The following FBXL19 variants were observed in gnomAD, a reference collection of about 807,000 sequenced individuals.
FBXL19 encodes the protein F-box and leucine rich repeat protein 19.
In FBXL19, 16 loss-of-function variants were observed where a neutral mutation model predicts 71.2. The ratio of observed to expected loss-of-function variants is 0.22; its 90% confidence interval spans 0.15 to 0.34. The LOEUF is 0.34. Among genes scored for constraint, FBXL19 ranks in the 10% least tolerant of loss-of-function variants. The pLI is 1.00. For missense variants in FBXL19, 658 were observed against 968.2 expected, an observed-to-expected ratio of 0.68 and a Z score of 4.25; for synonymous variants, 447 against 409.4, an observed-to-expected ratio of 1.09 and a Z score of -1.11.
chr16:30,947,237 G>A lies in FBXL19; in HGVS notation c.*7G>A, dbSNP rs1265749837. ...GCTTCTCAAGGACAGCTAGTTGGGC[G>A]CCCCCCACCCTCCCCCGGACTCGAC... On this transcript the variant is annotated 3_prime_UTR_variant, in exon 11 of 11. Transcript: ENST00000338343. 1.2e-5 allele frequency: 19 copies of A among 1,568,364 alleles called. No homozygotes were observed. Among genetic ancestry groups the A allele is most frequent in the Non-Finnish European group, 1.5e-5 (17 of 1,161,506 alleles).
chr16:30,941,000 T>C (rs916444110), intron 7 of FBXL19, among the ~76,000 whole-genome samples: 2 of 152,124 alleles, frequency 1.3e-5, no homozygotes, highest in East Asian at 1.9e-4. Flanking sequence ...TTGAGGCCTG[T>C]GGAGTGCTCG....
intron 2 of FBXL19, among the ~76,000 whole-genome samples, chr16:30,926,265 T>C (rs1299663314): frequency 6.6e-6 from 1 of 152,142 alleles, no homozygotes; most frequent in Non-Finnish European, 1.5e-5. Context: ...ATGGCCCCCT[T>C]CCAACAGGTC....
Position 30,942,041 on chromosome 16 carries a change from A to T in FBXL19, c.1302-75A>T. On this transcript the variant is annotated intron_variant, in intron 7 of 10. Transcript: ENST00000338343. The surrounding 1 kb of genome is among the most constrained non-coding windows in gnomAD (Gnocchi z 5.7). ...GAAGAGAGCTGGGGTGCACCCTTGG[A>T]GCTGGGGAGCCTGGGAACTGTGGGC... 2 of 1,433,908 alleles carry T rather than the reference A, an allele frequency of 1.4e-6. No individual in the cohort carries two copies. Among genetic ancestry groups the T allele is most frequent in the Non-Finnish European group, 1.8e-6 (2 of 1,086,140 alleles). 88.8% of individuals were successfully genotyped at this position (1,433,908 alleles called of 1,614,324 possible).
At chr16:30,928,042 T>A (rs1055920196) in intron 5 of FBXL19, 79 bp downstream of exon 5, 5 of 1,025,292 alleles carry the variant, frequency 4.9e-6, no homozygotes, top group Non-Finnish European at 7.0e-6. Context: ...TGTGGGGCTG[T>A]GTGGGCCTGG....
At position 30,926,005 on chromosome 16, in the gene FBXL19, C is replaced by T. The variant is rs564642619; in HGVS notation, c.177+74C>T. The T allele has an allele frequency of 1.7e-5, 23 of 1,392,384 alleles. No homozygotes were observed. In the East Asian group the frequency reaches 4.5e-4, roughly 27 times the overall value. 86.3% of individuals were successfully genotyped at this position (1,392,384 alleles called of 1,614,324 possible). A position where few individuals can be genotyped will look rare whatever the true frequency, so the allele number is the denominator to read the frequency against. ...TCTTGGAATGGCTGGTGACTGCCTC[C>T]CAGCCTGTACTGTGGAGTGGCTGTT... On this transcript the variant is annotated intron_variant, in intron 2 of 10. Transcript: ENST00000338343.
At position 30,928,452 on chromosome 16, in the gene FBXL19, C is replaced by T; in HGVS notation, c.628-15C>T. The T allele has an allele frequency of 1.9e-6, 3 of 1,556,346 alleles. No individual in the cohort carries two copies. Among genetic ancestry groups the T allele is most frequent in the Non-Finnish European group, 2.6e-6 (3 of 1,150,490 alleles). On this transcript the variant is annotated splice_polypyrimidine_tract_variant and intron_variant, in intron 5 of 10. Coordinates refer to ENST00000338343, the MANE Select transcript of FBXL19 (RefSeq NM_001382779.1). ...GGTCTCTCCCTTCCTCCATATCTCC[C>T]TCTCACCCTGGTAGGTGAAAGGAGG... is the stretch of plus-strand genomic sequence containing the variant.
At chr16:30,945,576 T>C (rs986627024) in intron 9 of FBXL19, among the ~76,000 whole-genome samples, 4 of 151,304 alleles carry the variant, frequency 2.6e-5, no homozygotes, top group African/African-American at 9.7e-5. Flanking sequence ...GGCAAGGAGA[T>C]TGCTTGAACC....
rs1675350991 is a variant in FBXL19 at position 30,930,725 on chromosome 16, C to G, written c.1301+141C>G. ...CTAGTATGCACAGATTACAGTGCATCCTTCCGTATTTCCCGTGTGCAGGCT... is the reference window on the plus strand; with the variant it reads ...CTAGTATGCACAGATTACAGTGCATGCTTCCGTATTTCCCGTGTGCAGGCT... On this transcript the variant is annotated intron_variant, in intron 7 of 10. Coordinates refer to ENST00000338343, the MANE Select transcript of FBXL19 (RefSeq NM_001382779.1). This position sits in a 1 kb window ranked among gnomAD's most constrained non-coding sequence, Gnocchi z 8.5. 2.2e-6 allele frequency: 2 copies of G among 903,108 alleles called. No homozygotes were observed. The highest frequency in any genetic ancestry group is 3.1e-4 in the Middle Eastern group (1 of 3,218). 55.9% of individuals were successfully genotyped at this position (903,108 alleles called of 1,614,324 possible). A position where few individuals can be genotyped will look rare whatever the true frequency, so the allele number is the denominator to read the frequency against.
Position 30,930,563 on chromosome 16 carries a change from T to C in FBXL19, c.1280T>C (p.Val427Ala). Residue 427 changes from valine to alanine, a missense_variant, in exon 7 of 11, where the codon GTC (valine) becomes GCC (alanine). Coordinates refer to ENST00000338343, the MANE Select transcript of FBXL19 (RefSeq NM_001382779.1). This position sits in a 1 kb window ranked among gnomAD's most constrained non-coding sequence, Gnocchi z 8.5. ...GPRELCICMR[V>A]CRTWSRWCYD... ...CGGGAGCTGTGTATCTGCATGCGAG[T>C]CTGCCGAACTTGGAGCCGCTGGTGA... 1 of 1,462,334 alleles carries C rather than the reference T, an allele frequency of 6.8e-7. No homozygotes were observed. The allele number at this position is 1,462,334 out of a possible 1,614,324, so 90.6% of individuals were successfully genotyped here.
upstream of FBXL19, chr16:30,923,178 A>T (rs1184225255): frequency 6.6e-6 from 3 of 456,442 alleles, no homozygotes; most frequent in Admixed American, 4.7e-5. Flanking sequence ...AGGGTTGTGG[A>T]CAGGAGGGCG....
chr16:30,925,782 G>A lies in FBXL19; in HGVS notation c.28G>A (p.Ala10Thr), dbSNP rs570625310. The change falls in exon 2 of 11, where the codon GCC becomes ACC. Residue 10 changes from alanine (A) to threonine (T), a missense_variant. Physicochemically the swap from Ala to Thr is moderately conservative, Grantham distance 58. Coordinates refer to ENST00000338343, the MANE Select transcript of FBXL19 (RefSeq NM_001382779.1). This position sits in a 1 kb window ranked among gnomAD's most constrained non-coding sequence, Gnocchi z 5.0. MSSSSRGPG[A>T]GARRRRTRCR... is the part of the protein sequence containing the mutation. The stretch of plus-strand genomic sequence containing the variant: ...GTCGTCGAGCAGCCGGGGGCCGGGG[G>A]CCGGAGCGCGCCGACGCCGAACCCG... 11 of 1,487,732 alleles carry A rather than the reference G, an allele frequency of 7.4e-6. No homozygotes were observed. The Admixed American group carries it at 1.0e-4, about 14-fold the overall frequency. 92.2% of individuals were successfully genotyped at this position (1,487,732 alleles called of 1,614,324 possible). A position where few individuals can be genotyped will look rare whatever the true frequency, so the allele number is the denominator to read the frequency against.
At chr16:30,940,655 T>TTTTGTTTG (rs570540459) in intron 7 of FBXL19, among the ~76,000 whole-genome samples, 1 of 151,746 alleles carries the variant, frequency 6.6e-6, no homozygotes, top group Non-Finnish European at 1.5e-5. Flanking sequence ...ACTGCATGTT[T>TTTTGTTTG]TTTGTTTGTT....
rs376169841 is a variant in FBXL19 at position 30,928,511 on chromosome 16, C to G, written c.672C>G (p.Asp224Glu). 1 of 1,605,820 alleles carries G rather than the reference C, an allele frequency of 6.2e-7. No individual in the cohort carries two copies. Among genetic ancestry groups the G allele is most frequent in the African/African-American group, 1.3e-5 (1 of 74,368 alleles). The change falls in exon 6 of 11, where the codon GAC becomes GAG. Residue 224 changes from aspartate (D) to glutamate (E), a missense_variant. Coordinates refer to ENST00000338343, the MANE Select transcript of FBXL19 (RefSeq NM_001382779.1). ...RERHLKKVGGDACLLRGSDPG... is the reference protein window; with the variant it reads ...RERHLKKVGGEACLLRGSDPG... ...GGCACCTGAAGAAGGTGGGTGGAGA[C>G]GCCTGCCTCCTCCGAGGATCGGACC...
Position 30,947,334 on chromosome 16 carries a change from C to A in FBXL19, c.*104C>A. The A allele has an allele frequency of 9.9e-7, 1 of 1,009,620 alleles. No individual in the cohort carries two copies. The highest frequency in any genetic ancestry group is 1.6e-5 in the African/African-American group (1 of 61,690). 62.5% of individuals were successfully genotyped at this position (1,009,620 alleles called of 1,614,324 possible). On this transcript the variant is annotated 3_prime_UTR_variant, in exon 11 of 11. Coordinates refer to ENST00000338343, the MANE Select transcript of FBXL19 (RefSeq NM_001382779.1). ...GTTCCCACCTCACCACCCTGGGATT[C>A]CTGAGTGTCAGTGACTTGGGATTCC...
At chr16:30,926,753 C>T (rs1451267025) in intron 2 of FBXL19, among the ~76,000 whole-genome samples, 1 of 152,130 alleles carries the variant, frequency 6.6e-6, no homozygotes, top group African/African-American at 2.4e-5. Context: ...CTTGTTATGA[C>T]TCAGTCCTAC....
At chr16:30,924,644 G>A in intron 1 of FBXL19, 185 bp downstream of exon 1, 1 of 1,392,050 alleles carries the variant, frequency 7.2e-7, no homozygotes, top group South Asian at 1.8e-5. Context: ...CCTAGACCCT[G>A]CTTCCCCTTG....
At position 30,928,625 on chromosome 16, in the gene FBXL19, G is replaced by C; in HGVS notation, c.786G>C (p.Trp262Cys). The change falls in exon 6 of 11, where the codon TGG (tryptophan) becomes TGC (cysteine). Residue 262 changes from tryptophan to cysteine, a missense_variant. By Grantham distance (215) the Trp-to-Cys change is radical (BLOSUM62 -2). This residue lies in a region of FBXL19 where 447 missense variants were observed against 515.4 expected (regional missense o/e 0.87). Coordinates refer to ENST00000338343, the MANE Select transcript of FBXL19 (RefSeq NM_001382779.1). ...SCHPGLPPEN[W>C]EKPKPPLASA... Reference sequence around the variant, plus strand: ...ACCCTGGGCTCCCTCCCGAGAACTGGGAGGTGTGCCGGGGACCTCCTCCCT... The same window carrying C: ...ACCCTGGGCTCCCTCCCGAGAACTGCGAGGTGTGCCGGGGACCTCCTCCCT... 6.3e-7 allele frequency: 1 copy of C among 1,575,604 alleles called. No individual in the cohort carries two copies. Among genetic ancestry groups the C allele is most frequent in the Non-Finnish European group, 8.6e-7 (1 of 1,162,078 alleles).
chr16:30,928,786 T>A (rs903106722), intron 6 of FBXL19, among the ~76,000 whole-genome samples, 158 bp downstream of exon 6: 2 of 20,500 alleles, frequency 9.8e-5, no homozygotes, highest in Admixed American at 5.3e-4. Flanking sequence ...GGTGGGAGGG[T>A]GGGTTGAGTC....
chr16:30,930,956 G>A lies in FBXL19; in HGVS notation c.1301+372G>A, dbSNP rs1172605188. 2.0e-5 allele frequency among the ~76,000 whole-genome samples: 3 copies of A among 152,118 alleles called. No homozygotes were observed. The highest frequency in any genetic ancestry group is 2.9e-5 in the Non-Finnish European group (2 of 68,036). Reference sequence around the variant, plus strand: ...GAGTGTCTAGTGTGTGTCAGCCATAGCACTGAGTGCTGTACTGCATTGTCA... The same window carrying A: ...GAGTGTCTAGTGTGTGTCAGCCATAACACTGAGTGCTGTACTGCATTGTCA... On this transcript the variant is annotated intron_variant, in intron 7 of 10. Transcript: ENST00000338343. This position sits in a 1 kb window ranked among gnomAD's most constrained non-coding sequence, Gnocchi z 8.5.
Sources: gnomAD v4.1 joint callset for allele counts (sites outside exome capture counted in the v4.1 genomes callset) on GRCh38, gnomAD v4.1.1 for gene constraint, gnomAD v4.1.1 regional missense constraint, Gnocchi (gnomAD v3.1) non-coding constraint, MANE v1.5 for transcripts, NCBI Gene and HGNC (gene_info 2026-07-23, HGNC 2026-07-21) for gene names.